Variants in WDR41 observed in about 807,000 individuals in gnomAD.
WDR41 encodes WD repeat domain 41.
In WDR41, 63 loss-of-function variants were observed where a neutral mutation model predicts 69.3. The ratio of observed to expected loss-of-function variants is 0.91; its 90% CI spans 0.74 to 1.12. WDR41 has a LOEUF of 1.12. Ranked by LOEUF, WDR41 falls within the 50% of genes most tolerant of loss-of-function variation. The probability of loss-of-function intolerance (pLI) is 0.00; values close to 1 mark genes in which losing one functional copy is unlikely to be tolerated. For missense variants in WDR41, 543 were observed against 534.5 expected, an observed-to-expected ratio of 1.02 and a Z score of -0.16; for synonymous variants, 185 against 192.1, an observed-to-expected ratio of 0.96 and a Z score of 0.31.
intron 1 of WDR41, among the ~76,000 whole-genome samples, chr5:77,547,352 G>A (rs944492005): frequency 1.1e-4 from 17 of 152,116 alleles, no homozygotes; most frequent in African/African-American, 4.1e-4. Flanking sequence ...CTGATGATAT[G>A]ACCATTTATC....
intron 12 of WDR41, among the ~76,000 whole-genome samples, chr5:77,434,891 T>A (rs990615416): frequency 1.3e-5 from 2 of 149,478 alleles, no homozygotes; most frequent in African/African-American, 5.1e-5. Context: ...GTCTTTTACA[T>A]GGGGTTTTCC....
intron 1 of WDR41, among the ~76,000 whole-genome samples, chr5:77,595,980 T>TA (rs1325328858): frequency 1.3e-5 from 2 of 152,200 alleles, no homozygotes; most frequent in Non-Finnish European, 2.9e-5. Context: ...GTTTCTTAAC[T>TA]ATTACCTCTG....
upstream of WDR41, among the ~76,000 whole-genome samples, chr5:77,496,289 A>G (rs1801932789): frequency 6.6e-6 from 1 of 152,106 alleles, no homozygotes; most frequent in African/African-American, 2.4e-5. Flanking sequence ...AAAAGAAGTA[A>G]AAAGCATCCA....
intron 1 of WDR41, among the ~76,000 whole-genome samples, chr5:77,548,212 A>G (rs1356693493): frequency 6.6e-6 from 1 of 152,266 alleles, no homozygotes; most frequent in Non-Finnish European, 1.5e-5. Context: ...TCTTCTAGAC[A>G]TTGGCTTAGC....
intron 1 of WDR41, among the ~76,000 whole-genome samples, chr5:77,557,590 G>A (rs1383792962): frequency 1.3e-5 from 2 of 152,064 alleles, no homozygotes; most frequent in African/African-American, 2.4e-5. Context: ...TAGAACACTT[G>A]TACACTTCTC....
At chr5:77,502,432 G>C (rs1271273244) in intron 1 of WDR41, among the ~76,000 whole-genome samples, 1 of 152,084 alleles carries the variant, frequency 6.6e-6, no homozygotes, top group Non-Finnish European at 1.5e-5. Context: ...ATGCAACCAA[G>C]TTGGAAAACA....
rs542320192 is a variant in WDR41, at chr5:77,463,105, C to T, written c.338G>A (p.Arg113Lys). ...CAGATTAAAGGATACAATAACTGTT[C>T]TATCAGCAGAGGCTGTCAAGATGAG... Reference protein sequence around the residue: ...NQLILTASADRTVIVWDGDTT... With the variant: ...NQLILTASADKTVIVWDGDTT... The change falls in exon 4 of 13, where the codon AGA (arginine) becomes AAA (lysine). Residue 113 changes from arginine (R) to lysine (K), a missense_variant. By Grantham distance (26) the Arg-to-Lys change is conservative. Transcript: ENST00000296679. 1 of 1,611,692 alleles carries T rather than the reference C, an allele frequency of 6.2e-7. No homozygotes were observed. The highest frequency in any genetic ancestry group is 1.7e-4 in the Middle Eastern group (1 of 6,050).
intron 1 of WDR41, among the ~76,000 whole-genome samples, chr5:77,507,324 C>T (rs1250037457): frequency 6.6e-6 from 1 of 152,092 alleles, no homozygotes; most frequent in Non-Finnish European, 1.5e-5. Flanking sequence ...ATACACTGCT[C>T]CACCCATTTC....
chr5:77,451,628 T>G lies in WDR41; in HGVS notation c.524-275A>C, dbSNP rs112351552. The G allele has an allele frequency of 5.1e-3, 1,558 of 304,990 alleles. 27 individuals carry two copies. The highest frequency in any genetic ancestry group is 0.03 in the African/African-American group (1,365 of 45,596). The allele number at this position is 304,990 out of a possible 1,614,324, so 18.9% of individuals were successfully genotyped here. A position where few individuals can be genotyped will look rare whatever the true frequency, so the allele number is the denominator to read the frequency against. ...TTACTATTGTGATAAAGTGGTAGATTCAGCAATTCACACTTATTTACCAGG... is the reference window on the plus strand; with the variant it reads ...TTACTATTGTGATAAAGTGGTAGATGCAGCAATTCACACTTATTTACCAGG... On this transcript the variant is annotated intron_variant, in intron 6 of 12. Coordinates refer to ENST00000296679, the MANE Select transcript of WDR41 (RefSeq NM_018268.4).
chr5:77,543,720 G>A (rs899600826), intron 1 of WDR41, among the ~76,000 whole-genome samples: 1 of 152,076 alleles, frequency 6.6e-6, no homozygotes, highest in Non-Finnish European at 1.5e-5. Flanking sequence ...CTAAAAGTTT[G>A]GAAAACATAA....
chr5:77,579,273 A>G (rs1313495083), intron 1 of WDR41, among the ~76,000 whole-genome samples: 3 of 152,154 alleles, frequency 2.0e-5, no homozygotes, highest in Non-Finnish European at 4.4e-5. Context: ...AATTTATTGA[A>G]AAACATTAAC....
At chr5:77,570,564 G>A (rs967594841) in intron 1 of WDR41, among the ~76,000 whole-genome samples, 5 of 149,162 alleles carry the variant, frequency 3.4e-5, no homozygotes, top group African/African-American at 5.0e-5. Context: ...CTAAGATATA[G>A]TGTTGAAAGT....
chr5:77,568,104 G>T (rs992301415), intron 1 of WDR41, among the ~76,000 whole-genome samples: 5 of 152,130 alleles, frequency 3.3e-5, no homozygotes, highest in Admixed American at 6.5e-5. Context: ...AAGAACTGAT[G>T]AAAGTGTTTG....
chr5:77,459,763 G>A (rs1295056682), intron 4 of WDR41, among the ~76,000 whole-genome samples: 1 of 152,158 alleles, frequency 6.6e-6, no homozygotes, highest in Non-Finnish European at 1.5e-5. Flanking sequence ...GTATACAAAT[G>A]TATATGCATG....
chr5:77,582,855 C>A (rs1434717391), intron 1 of WDR41: 8 of 1,603,536 alleles, frequency 5.0e-6, no homozygotes, highest in East Asian at 2.2e-5. Flanking sequence ...GTGGTTATGG[C>A]AAAATCAATA....
intron 1 of WDR41, among the ~76,000 whole-genome samples, chr5:77,530,018 GA>G (rs1802504566): frequency 6.6e-6 from 1 of 151,378 alleles, no homozygotes; most frequent in Admixed American, 6.6e-5. Flanking sequence ...TCAAGATACA[GA>G]AAGGAATAAA....
At chr5:77,558,102 A>AC (rs1743445107) in intron 1 of WDR41, among the ~76,000 whole-genome samples, 1 of 149,850 alleles carries the variant, frequency 6.7e-6, no homozygotes, top group East Asian at 1.9e-4. Context: ...TTTAAAAAAA[A>AC]AAAAAAAAAA....
chr5:77,512,723 C>T (rs755102562), intron 1 of WDR41, among the ~76,000 whole-genome samples: 3 of 119,014 alleles, frequency 2.5e-5, no homozygotes, highest in Non-Finnish European at 4.9e-5. Flanking sequence ...TCTAGCCTGG[C>T]GAGAGAGCGA....
intron 1 of WDR41, among the ~76,000 whole-genome samples, chr5:77,570,866 A>T (rs1743721084): frequency 6.6e-6 from 1 of 152,184 alleles, no homozygotes; most frequent in South Asian, 2.1e-4. Context: ...GCAATGAAAG[A>T]AATCATCGAC....
Sources: gnomAD v4.1 joint callset for allele counts (sites outside exome capture counted in the v4.1 genomes callset) on GRCh38, gnomAD v4.1.1 for gene constraint, MANE v1.5 for transcripts, NCBI Gene and HGNC (gene_info 2026-07-23, HGNC 2026-07-21) for gene names.